Variants in KLHDC4 observed in about 807,000 individuals in gnomAD.
KLHDC4 encodes kelch domain-containing protein 4.
In KLHDC4, 90 loss-of-function variants were observed where a neutral mutation model predicts 62.4. That is an observed-to-expected ratio of 1.44 (90% CI 1.22 to 1.72). The LOEUF is 1.72. KLHDC4 is among the 40% of genes most tolerant of loss of function. The pLI is 0.00. For missense variants in KLHDC4, 1,025 were observed against 699.7 expected (o/e 1.47, Z -5.25); for synonymous variants, 386 against 284.4 (o/e 1.36, Z -3.59).
Position 87,707,820 on chromosome 16 carries a change from C to G in KLHDC4, c.*257G>C, listed in dbSNP as rs2034941133. On this transcript the variant is annotated 3_prime_UTR_variant, in exon 12 of 12. Coordinates refer to ENST00000270583, the MANE Select transcript of KLHDC4 (RefSeq NM_017566.4). ...GACACCCTCCGCGGTGGTCTTGTTTCAAGTCCAATTTATTTCACACAACAC... is the reference window on the plus strand; with the variant it reads ...GACACCCTCCGCGGTGGTCTTGTTTGAAGTCCAATTTATTTCACACAACAC... 1 of 390,858 alleles carries G rather than the reference C, an allele frequency of 2.6e-6. No individual in the cohort carries two copies. The highest frequency in any genetic ancestry group is 2.1e-5 in the African/African-American group (1 of 48,352). 24.2% of individuals were successfully genotyped at this position (390,858 alleles called of 1,614,324 possible).
chr16:87,706,222 CG>C (rs139086710), downstream of KLHDC4, among the ~76,000 whole-genome samples: 1 of 6,584 alleles, frequency 1.5e-4, no homozygotes, highest in African/African-American at 1.2e-3. Flanking sequence ...CTGCAGCCCT[CG>C]GGGGGGGGTC....
At chr16:87,760,348 C>T (rs113504618) in intron 2 of KLHDC4, among the ~76,000 whole-genome samples, 6 of 151,972 alleles carry the variant, frequency 3.9e-5, no homozygotes, top group African/African-American at 1.4e-4. Context: ...TGGCTCACGC[C>T]TGTAATCCTA....
chr16:87,705,780 G>A (rs1258281515), downstream of KLHDC4, among the ~76,000 whole-genome samples: 6 of 152,256 alleles, frequency 3.9e-5, no homozygotes, highest in South Asian at 2.1e-4. Context: ...CCGCAGAGCC[G>A]GGCAGGGCCT....
chr16:87,710,944 C>G (rs564408085), intron 9 of KLHDC4: 1 of 395,886 alleles, frequency 2.5e-6, no homozygotes, highest in East Asian at 4.6e-5. Flanking sequence ...GGACCTCCAG[C>G]AAACCCTTCT....
intron 9 of KLHDC4, chr16:87,710,435 G>C (rs540161431): frequency 3.1e-4 from 47 of 152,336 alleles, no homozygotes; most frequent in African/African-American, 1.1e-3. Flanking sequence ...TCTGGACTCT[G>C]CAACAGTGAG....
intron 5 of KLHDC4, among the ~76,000 whole-genome samples, chr16:87,739,612 C>T (rs1200238776): frequency 5.9e-5 from 9 of 152,094 alleles, no homozygotes. Flanking sequence ...TCCATCCACA[C>T]ACCAGCACGT....
At chr16:87,734,292 C>T (rs77661448) in intron 5 of KLHDC4, among the ~76,000 whole-genome samples, 8,732 of 151,930 alleles carry the variant, frequency 0.057, 323 homozygotes, top group East Asian at 0.16. Flanking sequence ...TGCAGTGAGC[C>T]GACACTGCGC....
intron 3 of KLHDC4, chr16:87,755,687 T>C: frequency 5.3e-6 from 1 of 188,594 alleles, no homozygotes; most frequent in South Asian, 9.7e-5. Flanking sequence ...TGCCTCAGCC[T>C]CCAAGTAGCT....
intron 9 of KLHDC4, 173 bp from the exon 10 acceptor site, chr16:87,709,840 G>C (rs774940483): frequency 3.0e-5 from 22 of 722,946 alleles, no homozygotes; most frequent in Non-Finnish European, 4.4e-6. Flanking sequence ...TGGGCTGCAG[G>C]AGCACGCTCC....
At chr16:87,713,174 G>C (rs1026335662) in intron 8 of KLHDC4, among the ~76,000 whole-genome samples, 4 of 152,122 alleles carry the variant, frequency 2.6e-5, no homozygotes, top group African/African-American at 9.7e-5. Context: ...TAGAACTACA[G>C]ACGTGCGCCA....
intron 7 of KLHDC4, among the ~76,000 whole-genome samples, chr16:87,721,234 C>A (rs866885590): frequency 6.6e-6 from 1 of 151,980 alleles, no homozygotes; most frequent in Non-Finnish European, 1.5e-5. Flanking sequence ...TCCTGGCTAA[C>A]GCAGTAAAAC....
chr16:87,730,056 C>T (rs905027755), intron 6 of KLHDC4, among the ~76,000 whole-genome samples: 3 of 152,200 alleles, frequency 2.0e-5, no homozygotes, highest in South Asian at 4.1e-4. Context: ...TGGGTTCAAG[C>T]GATTCTCCTG....
At position 87,748,719 on chromosome 16, in the gene KLHDC4, C is replaced by G. The variant is rs755388656; in HGVS notation, c.460G>C (p.Asp154His). The change falls in exon 5 of 12, where the codon GAT becomes CAT. Residue 154 changes from aspartate (D) to histidine (H), a missense_variant. By Grantham distance (81) the Asp-to-His change is moderately conservative. Transcript: ENST00000270583. The part of the protein sequence containing the change: ...PNGEQFYHYK[D>H]LWVLHLATKT... ...GTGGCCAAATGCAGGACCCAGAGAT[C>G]CTTGTAGTGGTAGAACTGCTCTCCG... 1 of 1,613,666 alleles carries G rather than the reference C, an allele frequency of 6.2e-7. No individual in the cohort carries two copies. The highest frequency in any genetic ancestry group is 1.7e-5 in the Admixed American group (1 of 59,934).
chr16:87,745,534 G>A (rs569357214), intron 5 of KLHDC4, among the ~76,000 whole-genome samples: 115 of 152,320 alleles, frequency 7.5e-4, no homozygotes, highest in African/African-American at 2.6e-3. Context: ...GTTTCATATG[G>A]GCAAATCCAT....
At chr16:87,765,621 C>A (rs1484567500) in intron 1 of KLHDC4, among the ~76,000 whole-genome samples, 171 bp downstream of exon 1, 1 of 152,100 alleles carries the variant, frequency 6.6e-6, no homozygotes, top group Non-Finnish European at 1.5e-5. Context: ...AGGGGGCGGG[C>A]CCCGTCTGGG....
intron 10 of KLHDC4, among the ~76,000 whole-genome samples, chr16:87,709,037 C>T (rs1019001729): frequency 5.9e-5 from 9 of 152,264 alleles, no homozygotes; most frequent in African/African-American, 2.2e-4. Flanking sequence ...GCCAGAGCCG[C>T]AGCTCCCGTC....
chr16:87,745,866 G>C (rs911514187), intron 5 of KLHDC4, among the ~76,000 whole-genome samples: 1 of 152,178 alleles, frequency 6.6e-6, no homozygotes, highest in Non-Finnish European at 1.5e-5. Context: ...TGTGCGTCTC[G>C]TCAGGGTCTT....
intron 5 of KLHDC4, among the ~76,000 whole-genome samples, chr16:87,733,128 A>C (rs1255674788): frequency 6.6e-6 from 1 of 150,998 alleles, no homozygotes; most frequent in East Asian, 2.0e-4. Flanking sequence ...TATCGGTGAA[A>C]AGGCAGGTGC....
chr16:87,748,156 C>G (rs1026772223), intron 5 of KLHDC4, among the ~76,000 whole-genome samples: 2 of 152,224 alleles, frequency 1.3e-5, no homozygotes, highest in African/African-American at 4.8e-5. Context: ...GGTAAACATG[C>G]ATCAGAAACC....
Sources: allele counts gnomAD v4.1 joint callset (sites outside exome capture counted in the v4.1 genomes callset), GRCh38; gene constraint gnomAD v4.1.1; transcripts MANE v1.5; gene names NCBI Gene and HGNC (gene_info 2026-07-23, HGNC 2026-07-21).